The following ARL15 variants were observed in gnomAD, a reference collection of about 807,000 sequenced individuals.
The protein encoded by ARL15 is ADP-ribosylation factor-like protein 15.
ARL15 carries 19 observed loss-of-function variants against 25.2 expected under a neutral mutation model. The observed-to-expected ratio is 0.75, with a 90% CI of 0.53 to 1.10. The LOEUF (loss-of-function observed/expected upper bound fraction) is 1.10, where lower values mean the gene tolerates loss of function less well. Ranked by LOEUF, ARL15 falls within the 50% of genes least tolerant of loss-of-function variation. ARL15 has a pLI of 0.00. For synonymous variants in ARL15, 94 were observed against 86.8 expected, an observed-to-expected ratio of 1.08 and a Z score of -0.46; for missense variants, 220 against 246.0, an observed-to-expected ratio of 0.89 and a Z score of 0.71.
intron 1 of ARL15, among the ~76,000 whole-genome samples, chr5:54,236,176 C>G (rs1756799844): frequency 6.6e-6 from 1 of 152,186 alleles, no homozygotes; most frequent in Admixed American, 6.5e-5. Context: ...GATAGCTACT[C>G]CTTCCAACTG....
At position 53,981,395 on chromosome 5, in the gene ARL15, C is replaced by T. The variant is rs148203154; in HGVS notation, c.463-94682G>A. 4.1e-4 allele frequency among the ~76,000 whole-genome samples: 62 copies of T among 152,176 alleles called. 1 individual carries two copies. In the East Asian group the frequency reaches 0.01, roughly 26 times the overall value. On this transcript the variant is annotated intron_variant, in intron 4 of 4. Transcript: ENST00000504924. ...AGAAGGCACCCTGAGGGTCAGTCATCGAATAAGAGTGAGAAAGAGTGGAAA... is the reference window on the plus strand; with the variant it reads ...AGAAGGCACCCTGAGGGTCAGTCATTGAATAAGAGTGAGAAAGAGTGGAAA...
At chr5:53,970,594 G>C (rs1345789275) in intron 4 of ARL15, among the ~76,000 whole-genome samples, 1 of 152,084 alleles carries the variant, frequency 6.6e-6, no homozygotes, top group Admixed American at 6.5e-5. Context: ...CAGTTGCTTG[G>C]TTTTACCTTC....
intron 2 of ARL15, among the ~76,000 whole-genome samples, chr5:54,163,378 T>C (rs1470651895): frequency 1.8e-5 from 2 of 113,918 alleles, no homozygotes; most frequent in African/African-American, 6.0e-5. Context: ...TTTTTTTTTT[T>C]TTTTTTTTTT....
intron 3 of ARL15, among the ~76,000 whole-genome samples, chr5:54,140,101 C>T (rs536408281): frequency 2.4e-4 from 37 of 152,294 alleles, no homozygotes; most frequent in African/African-American, 8.7e-4. Context: ...TATCTGACTA[C>T]TATCCATCTT....
intron 2 of ARL15, among the ~76,000 whole-genome samples, chr5:54,158,512 A>G (rs933889091): frequency 6.6e-6 from 1 of 152,222 alleles, no homozygotes; most frequent in African/African-American, 2.4e-5. Context: ...TATGCTAAGT[A>G]TTAATATCTA....
chr5:54,091,867 T>C (rs1752137605), intron 4 of ARL15, among the ~76,000 whole-genome samples: 2 of 151,842 alleles, frequency 1.3e-5, no homozygotes, highest in Admixed American at 6.6e-5. Context: ...TCTGATGGGG[T>C]ATACCATAGA....
chr5:54,077,240 C>T (rs1188740458), intron 4 of ARL15, among the ~76,000 whole-genome samples: 1 of 152,128 alleles, frequency 6.6e-6, no homozygotes, highest in Admixed American at 6.6e-5. Flanking sequence ...ATCTACTACT[C>T]AAAGAAAGAA....
chr5:54,101,796 T>C (rs1309313411), intron 4 of ARL15, among the ~76,000 whole-genome samples: 1 of 152,096 alleles, frequency 6.6e-6, no homozygotes, highest in African/African-American at 2.4e-5. Context: ...ACATAAGTCA[T>C]TAAAAAGCCA....
intron 3 of ARL15, among the ~76,000 whole-genome samples, chr5:54,126,006 T>G (rs1753240519): frequency 6.6e-6 from 1 of 152,148 alleles, no homozygotes; most frequent in South Asian, 2.1e-4. Context: ...GTGCCATGTG[T>G]TGCGCTGTGC....
At chr5:54,186,613 C>T (rs1026405339) in intron 1 of ARL15, among the ~76,000 whole-genome samples, 1 of 152,146 alleles carries the variant, frequency 6.6e-6, no homozygotes, top group South Asian at 2.1e-4. Flanking sequence ...AAATTAAATA[C>T]CAAAAAAAAT....
intron 1 of ARL15, among the ~76,000 whole-genome samples, chr5:54,200,391 A>G (rs1333000043): frequency 6.6e-6 from 1 of 151,912 alleles, no homozygotes; most frequent in East Asian, 1.9e-4. Context: ...ATTGTGTATC[A>G]AAATGACAAG....
At chr5:53,950,758 C>T (rs1482044623) in intron 4 of ARL15, among the ~76,000 whole-genome samples, 1 of 152,076 alleles carries the variant, frequency 6.6e-6, no homozygotes, top group Non-Finnish European at 1.5e-5. Flanking sequence ...ATACTTGGAA[C>T]ATTTTCCTTC....
intron 1 of ARL15, among the ~76,000 whole-genome samples, chr5:54,277,556 C>G (rs983310807): frequency 2.0e-5 from 3 of 152,092 alleles, no homozygotes; most frequent in Non-Finnish European, 4.4e-5. Context: ...TTGAGACCAT[C>G]CTAGCTAACA....
At chr5:54,087,868 G>A (rs113392404) in intron 4 of ARL15, among the ~76,000 whole-genome samples, 1 of 152,056 alleles carries the variant, frequency 6.6e-6, no homozygotes, top group Non-Finnish European at 1.5e-5. Context: ...TAGAGATGAG[G>A]CTTCACCATG....
At chr5:54,190,869 T>G (rs1755378621) in intron 1 of ARL15, among the ~76,000 whole-genome samples, 1 of 152,118 alleles carries the variant, frequency 6.6e-6, no homozygotes, top group African/African-American at 2.4e-5. Flanking sequence ...GAATGTAAAA[T>G]GATATAGCCA....
At chr5:53,987,161 G>A (rs929064647) in intron 4 of ARL15, among the ~76,000 whole-genome samples, 1 of 152,118 alleles carries the variant, frequency 6.6e-6, no homozygotes, top group African/African-American at 2.4e-5. Flanking sequence ...TGGCTCAAGA[G>A]GCCCAAGTTA....
At chr5:54,034,894 C>A (rs758424552) in intron 4 of ARL15, among the ~76,000 whole-genome samples, 1 of 151,600 alleles carries the variant, frequency 6.6e-6, no homozygotes, top group African/African-American at 2.4e-5. Context: ...GTCTTGAACT[C>A]CTGGCCTCAA....
At chr5:54,041,409 T>C (rs1161897233) in intron 4 of ARL15, among the ~76,000 whole-genome samples, 6 of 152,198 alleles carry the variant, frequency 3.9e-5, no homozygotes, top group African/African-American at 1.4e-4. Context: ...AAGTACAACA[T>C]TGCCTATAAA....
At chr5:54,003,763 C>G (rs562287665) in intron 4 of ARL15, among the ~76,000 whole-genome samples, 5 of 138,894 alleles carry the variant, frequency 3.6e-5, no homozygotes, top group African/African-American at 1.3e-4. Context: ...AAACATCATT[C>G]TTGTGCCCCT....
Sources: gnomAD v4.1 joint callset for allele counts (sites outside exome capture counted in the v4.1 genomes callset) on GRCh38, gnomAD v4.1.1 for gene constraint, MANE v1.5 for transcripts, NCBI Gene and HGNC (gene_info 2026-07-23, HGNC 2026-07-21) for gene names.